COL4A4: variants seen among roughly 807,000 people sequenced by gnomAD.
The protein encoded by COL4A4 is collagen type IV alpha 4 chain.
In COL4A4, 105 loss-of-function variants were observed where a neutral mutation model predicts 192.9. That is an observed-to-expected ratio of 0.54 (90% CI 0.46 to 0.64). The LOEUF is 0.64. Among genes scored for constraint, COL4A4 ranks in the 30% least tolerant of loss-of-function variants. The probability of loss-of-function intolerance (pLI) is 0.00; values close to 1 mark genes in which losing one functional copy is unlikely to be tolerated. For missense variants in COL4A4, 1,967 were observed against 2,169.3 expected (o/e 0.91, Z 1.85); for synonymous variants, 762 against 769.9 (o/e 0.99, Z 0.17).
downstream of COL4A4, among the ~76,000 whole-genome samples, chr2:226,999,511 C>T (rs554441728): frequency 3.9e-5 from 6 of 151,978 alleles, no homozygotes; most frequent in Non-Finnish European, 7.4e-5. Context: ...TACAGGTCTG[C>T]GTTGGATGTG....
chr2:227,064,082 T>G (rs2058142831), intron 25 of COL4A4, among the ~76,000 whole-genome samples: 1 of 152,182 alleles, frequency 6.6e-6, no homozygotes, highest in African/African-American at 2.4e-5. Flanking sequence ...GAGACTCATT[T>G]TAGCTTCCAT....
At chr2:227,085,879 G>A (rs556917096) in intron 22 of COL4A4, among the ~76,000 whole-genome samples, 3 of 152,304 alleles carry the variant, frequency 2.0e-5, no homozygotes, top group African/African-American at 4.8e-5. Flanking sequence ...GACAGTTTGC[G>A]ACCTTTGGTT....
Position 227,059,467 on chromosome 2 carries a change from C to T in COL4A4, c.2321G>A (p.Gly774Asp). ...FGHLGPPGKRGLSGVPGIKGP... is the reference protein window; with the variant it reads ...FGHLGPPGKRDLSGVPGIKGP... ...TTTTATCCCTGGCACTCCTGAAAGA[C>T]CCCTCTTTCCCGGGGGTCCCAGGTG... Residue 774 changes from glycine to aspartate, a missense_variant, in exon 28 of 48, where the codon GGT becomes GAT. Transcript: ENST00000396625. 1 of 1,614,164 alleles carries T rather than the reference C, an allele frequency of 6.2e-7. No homozygotes were observed. Among genetic ancestry groups the T allele is most frequent in the Non-Finnish European group, 8.5e-7 (1 of 1,180,030 alleles).
At position 227,006,248 on chromosome 2, in the gene COL4A4, C is replaced by T. The variant is rs548653753; in HGVS notation, c.*1077G>A. The T allele has an allele frequency of 6.5e-6, 1 of 152,704 alleles. No homozygotes were observed. The highest frequency in any genetic ancestry group is 1.9e-4 in the East Asian group (1 of 5,176). 9.5% of individuals were successfully genotyped at this position (152,704 alleles called of 1,614,324 possible). On this transcript the variant is annotated 3_prime_UTR_variant, in exon 48 of 48. Transcript: ENST00000396625. ...TTTTCTCCCAAGTGCATAATGATAG[C>T]TCTGTCACGTCCCTGTGTGAGCTGC...
intron 8 of COL4A4, among the ~76,000 whole-genome samples, chr2:227,112,062 A>G (rs2061240861): frequency 6.6e-6 from 1 of 152,108 alleles, no homozygotes; most frequent in Admixed American, 6.5e-5. Context: ...TGCTTTATAA[A>G]CATCTTGACC....
intron 20 of COL4A4, among the ~76,000 whole-genome samples, chr2:227,092,767 G>A (rs4389330): frequency 2.6e-5 from 4 of 152,002 alleles, no homozygotes; most frequent in African/African-American, 7.2e-5. Context: ...ATTTATGGAA[G>A]CAAAATTATG....
chr2:227,067,784 A>G (rs1349327532), intron 25 of COL4A4, among the ~76,000 whole-genome samples: 2 of 151,958 alleles, frequency 1.3e-5, no homozygotes, highest in African/African-American at 4.8e-5. Context: ...TAAAATTGAC[A>G]CCCTAACATC....
At chr2:227,045,874 A>AG (rs1559488540) in intron 35 of COL4A4, among the ~76,000 whole-genome samples, 1 of 35,552 alleles carries the variant, frequency 2.8e-5, no homozygotes, top group Non-Finnish European at 5.5e-5. Context: ...ACATATATAT[A>AG]CATATATATG....
At chr2:227,073,820 A>T (rs536956582) in intron 25 of COL4A4, among the ~76,000 whole-genome samples, 11 of 152,154 alleles carry the variant, frequency 7.2e-5, no homozygotes, top group Non-Finnish European at 4.4e-5. Flanking sequence ...TTAATAAATG[A>T]TGCTGGGAAA....
At chr2:227,074,071 C>A (rs915097204) in intron 25 of COL4A4, among the ~76,000 whole-genome samples, 3 of 151,834 alleles carry the variant, frequency 2.0e-5, no homozygotes, top group Non-Finnish European at 4.4e-5. Context: ...AACTAAAAGG[C>A]CTCTGCACAA....
chr2:227,026,523 C>T (rs907245718), intron 42 of COL4A4, among the ~76,000 whole-genome samples: 4 of 150,340 alleles, frequency 2.7e-5, no homozygotes, highest in Admixed American at 1.3e-4. Flanking sequence ...AAAGAATCAA[C>T]ATATAAGCCC....
Position 227,007,326 on chromosome 2 carries a change from TAGCTATACTTCACGC to T in COL4A4, c.5057_5071del (p.Cys1686_Ser1690del). On this transcript the variant is annotated inframe_deletion, in exon 48 of 48. Transcript: ENST00000396625. ...ACGTGTTGGTGAATTTCGCATTCTC[TAGCTATACTTCACGC>T]AGACCTGGCACCGGCTGATTTTCTG... is the stretch of plus-strand genomic sequence containing the variant. The T allele has an allele frequency of 6.2e-7, 1 of 1,614,234 alleles. No homozygotes were observed.
At chr2:227,160,269 G>A (rs968433367) in intron 1 of COL4A4, among the ~76,000 whole-genome samples, 3 of 152,200 alleles carry the variant, frequency 2.0e-5, no homozygotes, top group Admixed American at 6.5e-5. Flanking sequence ...CAAGTGGCAC[G>A]ATGTGTGTGA....
chr2:227,141,325 C>T (rs2063194035), intron 3 of COL4A4, among the ~76,000 whole-genome samples: 1 of 152,140 alleles, frequency 6.6e-6, no homozygotes, highest in Admixed American at 6.5e-5. Context: ...TAAACTCAAG[C>T]CTTTAGACCA....
rs1961764896 is a variant in COL4A4, at chr2:227,004,919, A to G, written c.*2406T>C. 1 of 152,218 alleles carries G rather than the reference A, an allele frequency of 6.6e-6. No individual in the cohort carries two copies. The allele number at this position is 152,218 out of a possible 1,614,324, so 9.4% of individuals were successfully genotyped here. ...TCTCCAATAATGGGTTAGGAGAACA[A>G]CTTAAAAGCTTTGTTCATCACCTCC... On this transcript the variant is annotated 3_prime_UTR_variant, in exon 48 of 48. Coordinates refer to ENST00000396625, the MANE Select transcript of COL4A4 (RefSeq NM_000092.5).
chr2:227,028,028 A>G lies in COL4A4; in HGVS notation c.3974-19T>C, dbSNP rs778232029. 2.0e-6 allele frequency: 3 copies of G among 1,513,998 alleles called. No individual in the cohort carries two copies. The highest frequency in any genetic ancestry group is 2.7e-6 in the Non-Finnish European group (3 of 1,098,716). 93.8% of individuals were successfully genotyped at this position (1,513,998 alleles called of 1,614,324 possible). ...ACTGGTCCTTAAAAAAAAACAAAACATAAAAATGAGGGCACTGGAATGAGA... is the reference window on the plus strand; with the variant it reads ...ACTGGTCCTTAAAAAAAAACAAAACGTAAAAATGAGGGCACTGGAATGAGA... On this transcript the variant is annotated intron_variant, in intron 41 of 47. Transcript: ENST00000396625.
intron 25 of COL4A4, among the ~76,000 whole-genome samples, chr2:227,070,809 G>A (rs1293377017): frequency 1.3e-5 from 2 of 151,836 alleles, no homozygotes; most frequent in East Asian, 3.9e-4. Context: ...ACAGCAGCAT[G>A]TCACATGTAT....
At chr2:226,967,503 T>G in the COL4A4 span, among the ~76,000 whole-genome samples, 1 of 151,804 alleles carries the variant, frequency 6.6e-6, no homozygotes, top group Admixed American at 6.6e-5. Context: ...CATTTAACAT[T>G]AGGTATATCT....
chr2:227,016,889 G>A (rs1177013934), intron 44 of COL4A4, among the ~76,000 whole-genome samples: 1 of 152,236 alleles, frequency 6.6e-6, no homozygotes, highest in Non-Finnish European at 1.5e-5. Flanking sequence ...AAACATCCCC[G>A]CCTCCCCATC....
Sources: gnomAD v4.1 joint callset for allele counts (sites outside exome capture counted in the v4.1 genomes callset) on GRCh38, gnomAD v4.1.1 for gene constraint, MANE v1.5 for transcripts, NCBI Gene and HGNC (gene_info 2026-07-23, HGNC 2026-07-21) for gene names.